FNDC3B: variants seen among roughly 807,000 people sequenced by gnomAD.
FNDC3B encodes the protein fibronectin type III domain-containing protein 3B.
In FNDC3B, 12 loss-of-function variants were observed where a neutral mutation model predicts 151.5. That is an observed-to-expected ratio of 0.08 (90% CI 0.05 to 0.13). The LOEUF (loss-of-function observed/expected upper bound fraction) is 0.13. Ranked by LOEUF, FNDC3B falls within the 10% of genes least tolerant of loss-of-function variation. FNDC3B has a pLI of 1.00. For synonymous variants in FNDC3B, 528 were observed against 549.0 expected, an observed-to-expected ratio of 0.96 and a Z score of 0.54; for missense variants, 1,214 against 1,505.3, an observed-to-expected ratio of 0.81 and a Z score of 3.20.
chr3:172,248,445 G>T (rs911168403), intron 5 of FNDC3B, among the ~76,000 whole-genome samples: 3 of 152,056 alleles, frequency 2.0e-5, no homozygotes, highest in Non-Finnish European at 4.4e-5. Flanking sequence ...TTTGACCCTG[G>T]TGTTGGTTTA....
At chr3:172,074,839 G>A (rs753588063) in intron 1 of FNDC3B, among the ~76,000 whole-genome samples, 2 of 152,160 alleles carry the variant, frequency 1.3e-5, no homozygotes, top group Admixed American at 1.3e-4. Context: ...CATAATTGGT[G>A]TTGTCATCCA....
intron 1 of FNDC3B, among the ~76,000 whole-genome samples, chr3:172,109,471 C>G (rs1719853708): frequency 1.3e-5 from 2 of 152,228 alleles, no homozygotes; most frequent in Non-Finnish European, 2.9e-5. Flanking sequence ...GGCCGAAGGC[C>G]TTGGATTCTA....
At chr3:172,157,451 A>G (rs1480494235) in intron 3 of FNDC3B, among the ~76,000 whole-genome samples, 1 of 152,232 alleles carries the variant, frequency 6.6e-6, no homozygotes, top group Admixed American at 6.5e-5. Context: ...AGTACAGTCC[A>G]CGGAACTCAT....
intron 11 of FNDC3B, among the ~76,000 whole-genome samples, chr3:172,318,351 G>T (rs1209269862): frequency 6.6e-6 from 1 of 152,236 alleles, no homozygotes; most frequent in Non-Finnish European, 1.5e-5. Flanking sequence ...GCCCCAGATT[G>T]CAGCTTCTTG....
intron 16 of FNDC3B, among the ~76,000 whole-genome samples, chr3:172,339,635 T>C (rs1733187219): frequency 6.6e-6 from 1 of 152,162 alleles, no homozygotes; most frequent in Non-Finnish European, 1.5e-5. Flanking sequence ...AAAACCCAAC[T>C]AGGTTAGAAG....
intron 1 of FNDC3B, among the ~76,000 whole-genome samples, chr3:172,084,507 T>A (rs1359228438): frequency 1.4e-5 from 1 of 69,904 alleles, no homozygotes; most frequent in African/African-American, 4.9e-5. Context: ...ACACGTATAT[T>A]CTGAATCTCT....
intron 23 of FNDC3B, among the ~76,000 whole-genome samples, chr3:172,369,404 CT>C (rs1485688296): frequency 1.3e-5 from 2 of 151,906 alleles, no homozygotes; most frequent in Admixed American, 1.3e-4. Context: ...TCTAGTCATC[CT>C]TTTTTTAAAT....
At chr3:172,091,341 A>G (rs919467571) in intron 1 of FNDC3B, among the ~76,000 whole-genome samples, 21 of 152,040 alleles carry the variant, frequency 1.4e-4, no homozygotes, top group Non-Finnish European at 3.1e-4. Context: ...TTTTTTCTTC[A>G]ATTAAGTTGA....
intron 4 of FNDC3B, among the ~76,000 whole-genome samples, chr3:172,245,741 G>C (rs889930734): frequency 3.3e-5 from 5 of 152,102 alleles, no homozygotes; most frequent in Admixed American, 2.6e-4. Flanking sequence ...TTCATAAATG[G>C]GGTTAGTGTG....
chr3:172,049,114 T>C (rs1331208175), intron 1 of FNDC3B, among the ~76,000 whole-genome samples: 3 of 152,224 alleles, frequency 2.0e-5, no homozygotes, highest in Admixed American at 2.0e-4. Context: ...TTTTGTTATG[T>C]ATATTTTATG....
intron 3 of FNDC3B, among the ~76,000 whole-genome samples, chr3:172,154,704 C>T (rs1412629369): frequency 6.6e-6 from 1 of 152,204 alleles, no homozygotes; most frequent in African/African-American, 2.4e-5. Context: ...TGAGAAACCA[C>T]TGATGAAATC....
At chr3:172,316,322 A>G (rs1490349106) in intron 11 of FNDC3B, 2 of 435,366 alleles carry the variant, frequency 4.6e-6, no homozygotes, top group Non-Finnish European at 9.1e-6. Context: ...TTGATGACAT[A>G]TCACTATCTA....
At chr3:172,319,069 A>G (rs1731955426) in intron 11 of FNDC3B, among the ~76,000 whole-genome samples, 1 of 152,230 alleles carries the variant, frequency 6.6e-6, no homozygotes, top group Non-Finnish European at 1.5e-5. Flanking sequence ...GCATGTGTAC[A>G]TGATGAGGTT....
In FNDC3B at chr3:172,368,847, C is replaced by G. The variant is rs1039657190; in HGVS notation, c.3008+6002C>G. On this transcript the variant is annotated intron_variant, in intron 23 of 25. Transcript: ENST00000415807. The stretch of plus-strand genomic sequence containing the variant: ...CCAACATGGCGAAAACCCGTCTCTA[C>G]TAAAAATACAAAAATTAGCCTGGCA... Among the ~76,000 whole-genome samples, 15 of 152,212 alleles carry G rather than the reference C, an allele frequency of 9.9e-5. No individual in the cohort carries two copies. In the South Asian group the frequency reaches 1.2e-3, roughly 13 times the overall value.
intron 3 of FNDC3B, among the ~76,000 whole-genome samples, chr3:172,180,922 A>G (rs1293522564): frequency 1.3e-5 from 2 of 152,154 alleles, no homozygotes; most frequent in South Asian, 2.1e-4. Context: ...TTTGGAGGCT[A>G]TTGTTTAGGT....
chr3:172,218,134 GAAAAAAAAAAAAAAA>G (rs57576493), intron 3 of FNDC3B, among the ~76,000 whole-genome samples: 2 of 62,720 alleles, frequency 3.2e-5, no homozygotes, highest in Admixed American at 1.9e-4. Flanking sequence ...CGACTTTCAG[GAAAAAAAAAAAAAAA>G]AAAAAAAAAA....
Position 172,386,469 on chromosome 3 carries a change from G to A in FNDC3B, c.3303+5376G>A, listed in dbSNP as rs558738964. On this transcript the variant is annotated intron_variant, in intron 25 of 25. Coordinates refer to ENST00000415807, the MANE Select transcript of FNDC3B (RefSeq NM_022763.4). ...CGTAAAGAAAACCTCTGGGCTGGGC[G>A]CGGTGGCTTACGCCTGTAATCCCAG... Among the ~76,000 whole-genome samples the A allele has an allele frequency of 5.8e-4, 89 of 152,218 alleles. 1 individual carries two copies. Among genetic ancestry groups the A allele is most frequent in the African/African-American group, 1.9e-3 (80 of 41,538 alleles).
rs1245900554 is a variant in FNDC3B at position 172,307,517 on chromosome 3, C to A, written c.1200+16C>A. On this transcript the variant is annotated intron_variant, in intron 10 of 25. Coordinates refer to ENST00000415807, the MANE Select transcript of FNDC3B (RefSeq NM_022763.4). ...GCAGTGGAAGGTGGGTAGCTCAAAG[C>A]ATCAAGAATCGTCTCAATTTAAAAA... 20 of 1,613,680 alleles carry A rather than the reference C, an allele frequency of 1.2e-5. No individual in the cohort carries two copies. The highest frequency in any genetic ancestry group is 1.7e-5 in the Non-Finnish European group (20 of 1,179,712).
intron 2 of FNDC3B, among the ~76,000 whole-genome samples, chr3:172,126,319 A>G (rs1720808884): frequency 6.6e-6 from 1 of 152,154 alleles, no homozygotes; most frequent in Non-Finnish European, 1.5e-5. Flanking sequence ...CTCTCTGTAG[A>G]GGCTAGTGTC....
Sources: gnomAD v4.1 joint callset for allele counts (sites outside exome capture counted in the v4.1 genomes callset) on GRCh38, gnomAD v4.1.1 for gene constraint, MANE v1.5 for transcripts, NCBI Gene and HGNC (gene_info 2026-07-23, HGNC 2026-07-21) for gene names.